Variants in ZSWIM5 observed in about 807,000 individuals in gnomAD.
ZSWIM5 encodes the protein zinc finger SWIM-type containing 5, also known as zinc finger SWIM domain-containing protein 5.
Under a neutral mutation model 119.6 loss-of-function variants are expected in ZSWIM5, and 55 were observed. That is an observed-to-expected ratio of 0.46 (90% CI 0.37 to 0.58). ZSWIM5 has a LOEUF of 0.58. ZSWIM5 is among the 20% of genes least tolerant of loss of function. The pLI, the probability that ZSWIM5 is intolerant of heterozygous loss-of-function variation, is 0.00. For synonymous variants in ZSWIM5, 537 were observed against 606.9 expected (o/e 0.88, Z 1.69); for missense variants, 1,193 against 1,512.8 (o/e 0.79, Z 3.51).
intron 1 of ZSWIM5, among the ~76,000 whole-genome samples, chr1:45,121,586 CT>C (rs148242358): frequency 4.8e-5 from 7 of 146,530 alleles, no homozygotes; most frequent in South Asian, 2.1e-4. Context: ...AGATAGGAAT[CT>C]TTTTTTTTCT....
intron 2 of ZSWIM5, among the ~76,000 whole-genome samples, chr1:45,086,736 C>A (rs1404068176): frequency 6.6e-6 from 1 of 151,942 alleles, no homozygotes; most frequent in Non-Finnish European, 1.5e-5. Flanking sequence ...ACCTATGTAA[C>A]AAACCTACAC....
At chr1:45,052,302 A>G (rs765371280) in intron 4 of ZSWIM5, among the ~76,000 whole-genome samples, 1 of 152,160 alleles carries the variant, frequency 6.6e-6, no homozygotes, top group Non-Finnish European at 1.5e-5. Context: ...CTGGGATTAC[A>G]GGCGTGAGCC....
At chr1:45,071,436 T>C (rs1570057782) in intron 2 of ZSWIM5, among the ~76,000 whole-genome samples, 1 of 145,104 alleles carries the variant, frequency 6.9e-6, no homozygotes, top group Admixed American at 7.0e-5. Flanking sequence ...ATCCATGTTG[T>C]TGCAAATGAC....
At chr1:45,184,677 G>T (rs1205736229) in intron 1 of ZSWIM5, among the ~76,000 whole-genome samples, 1 of 151,774 alleles carries the variant, frequency 6.6e-6, no homozygotes, top group East Asian at 1.9e-4. Context: ...AAATACTTAG[G>T]TATCCAACTT....
intron 1 of ZSWIM5, among the ~76,000 whole-genome samples, chr1:45,144,167 A>G (rs1236051823): frequency 6.6e-6 from 1 of 152,142 alleles, no homozygotes; most frequent in East Asian, 1.9e-4. Flanking sequence ...AGCCAAAGGA[A>G]CTGGAAGAGC....
intron 1 of ZSWIM5, among the ~76,000 whole-genome samples, chr1:45,167,428 C>G (rs1425290641): frequency 6.7e-6 from 1 of 150,344 alleles, no homozygotes. Flanking sequence ...GACTTCATGT[C>G]TAAAACACCA....
chr1:45,106,673 C>T (rs555036244), intron 1 of ZSWIM5, among the ~76,000 whole-genome samples: 27 of 149,636 alleles, frequency 1.8e-4, no homozygotes, highest in East Asian at 4.0e-4. Context: ...GGAGCGCCTC[C>T]GCCAGGCTGC....
At chr1:45,142,525 G>T (rs980836211) in intron 1 of ZSWIM5, among the ~76,000 whole-genome samples, 2 of 151,792 alleles carry the variant, frequency 1.3e-5, no homozygotes, top group Non-Finnish European at 2.9e-5. Context: ...CTAATTTTTT[G>T]TATTTTTTGT....
At chr1:45,046,916 C>T (rs188598179) in intron 5 of ZSWIM5, among the ~76,000 whole-genome samples, 4 of 149,722 alleles carry the variant, frequency 2.7e-5, no homozygotes, top group African/African-American at 9.8e-5. Context: ...CCCAGCTACT[C>T]GGGAGGCTGA....
intron 8 of ZSWIM5, among the ~76,000 whole-genome samples, chr1:45,038,014 AGT>A (rs1406969418): frequency 6.6e-6 from 1 of 152,244 alleles, no homozygotes; most frequent in Non-Finnish European, 1.5e-5. Flanking sequence ...AGTAGCTGAC[AGT>A]CTAGTAAGAG....
At chr1:45,118,145 A>G (rs1286122323) in intron 1 of ZSWIM5, among the ~76,000 whole-genome samples, 1 of 152,126 alleles carries the variant, frequency 6.6e-6, no homozygotes, top group East Asian at 1.9e-4. Context: ...TACCACTTTA[A>G]ATCAATATCC....
At chr1:45,187,013 A>C (rs556065905) in intron 1 of ZSWIM5, among the ~76,000 whole-genome samples, 1 of 152,344 alleles carries the variant, frequency 6.6e-6, no homozygotes, top group Non-Finnish European at 1.5e-5. Context: ...GAACACTAAT[A>C]GAGATGCCAA....
At chr1:45,179,017 C>T (rs1645998380) in intron 1 of ZSWIM5, among the ~76,000 whole-genome samples, 1 of 151,786 alleles carries the variant, frequency 6.6e-6, no homozygotes, top group African/African-American at 2.4e-5. Flanking sequence ...TATACACTAG[C>T]AACAAACAAT....
At chr1:45,038,841 C>T in intron 8 of ZSWIM5, 95 bp downstream of exon 8, 1 of 1,486,350 alleles carries the variant, frequency 6.7e-7, no homozygotes, top group Admixed American at 1.9e-5. Flanking sequence ...AGTAATCCAC[C>T]CACCTTGGCC....
chr1:45,035,544 T>G lies in ZSWIM5; in HGVS notation c.2291+144A>C, dbSNP rs1426902108. 15 of 1,054,318 alleles carry G rather than the reference T, an allele frequency of 1.4e-5. No individual in the cohort carries two copies. The East Asian group carries it at 3.8e-4, about 27-fold the overall frequency. The allele number at this position is 1,054,318 out of a possible 1,614,324, so 65.3% of individuals were successfully genotyped here. Reference sequence around the variant, plus strand: ...ATGAATCCTAGATCATATAAAAATATCTGAGCCATTTTAAGGTACACTTGG... The same window carrying G: ...ATGAATCCTAGATCATATAAAAATAGCTGAGCCATTTTAAGGTACACTTGG... On this transcript the variant is annotated intron_variant, in intron 10 of 13. Transcript: ENST00000359600.
intron 4 of ZSWIM5, among the ~76,000 whole-genome samples, chr1:45,054,453 G>A (rs570881256): frequency 6.6e-5 from 10 of 151,326 alleles, no homozygotes; most frequent in East Asian, 2.0e-4. Flanking sequence ...GTGGTGGTGC[G>A]CGCCTGTAGT....
intron 1 of ZSWIM5, among the ~76,000 whole-genome samples, chr1:45,125,439 G>C (rs1645614879): frequency 6.6e-6 from 1 of 151,800 alleles, no homozygotes; most frequent in South Asian, 2.1e-4. Flanking sequence ...AATGCAGGTA[G>C]AGCAATGCTG....
In ZSWIM5 at chr1:45,060,155, G is replaced by GAAAA. The variant is rs775861723; in HGVS notation, c.1041_1044dup (p.Leu349PhefsTer41). On this transcript the variant is annotated frameshift_variant, in exon 3 of 14. Transcript: ENST00000359600. LOFTEE classifies it high-confidence loss of function. ...GAGCCACAGTAACCGCCCTGGGAGA[G>GAAAA]AAAAAGCTTCACTTGTTCTTTCACC... The GAAAA allele has an allele frequency of 6.2e-7, 1 of 1,614,174 alleles. No homozygotes were observed. The highest frequency in any genetic ancestry group is 1.7e-5 in the Admixed American group (1 of 60,016).
chr1:45,026,408 G>C (rs1173844757), intron 11 of ZSWIM5, among the ~76,000 whole-genome samples: 2 of 150,618 alleles, frequency 1.3e-5, no homozygotes, highest in Non-Finnish European at 3.0e-5. Context: ...GTTTGCTAAG[G>C]GTTTTTTTTT....
Sources: gnomAD v4.1 joint callset for allele counts (sites outside exome capture counted in the v4.1 genomes callset) on GRCh38, gnomAD v4.1.1 for gene constraint, MANE v1.5 for transcripts, NCBI Gene and HGNC (gene_info 2026-07-23, HGNC 2026-07-21) for gene names.